The following FAM53B variants were observed in gnomAD, a reference collection of about 807,000 sequenced individuals.
The protein encoded by FAM53B is protein FAM53B.
In FAM53B, 12 loss-of-function variants were observed where a neutral mutation model predicts 32.7. The observed-to-expected ratio is 0.37, with a 90% CI of 0.24 to 0.59. The LOEUF is 0.59. Ranked by LOEUF, FAM53B falls within the 20% of genes least tolerant of loss-of-function variation. The pLI, the probability that FAM53B is intolerant of heterozygous loss-of-function variation, is 0.72. For missense variants in FAM53B, 477 were observed against 577.7 expected (o/e 0.83, Z 1.79); for synonymous variants, 234 against 228.7 (o/e 1.02, Z -0.21).
At chr10:124,664,041 C>T (rs1362320081) in intron 4 of FAM53B, among the ~76,000 whole-genome samples, 1 of 152,156 alleles carries the variant, frequency 6.6e-6, no homozygotes, top group African/African-American at 2.4e-5. Context: ...TGCCTCCATG[C>T]TTTCCAGGGA....
chr10:124,647,643 A>T (rs1949526571), intron 4 of FAM53B, among the ~76,000 whole-genome samples: 1 of 152,202 alleles, frequency 6.6e-6, no homozygotes, highest in Non-Finnish European at 1.5e-5. Flanking sequence ...ACAGCTAGGA[A>T]GCAGCAGAGG....
intron 4 of FAM53B, among the ~76,000 whole-genome samples, chr10:124,668,408 C>T (rs1949686997): frequency 6.6e-6 from 1 of 152,234 alleles, no homozygotes; most frequent in Non-Finnish European, 1.5e-5. Flanking sequence ...TTCTGTTGCC[C>T]AAGACTGTTC....
intron 4 of FAM53B, among the ~76,000 whole-genome samples, chr10:124,638,794 C>T (rs543520860): frequency 1.8e-4 from 27 of 152,206 alleles, no homozygotes; most frequent in African/African-American, 5.8e-4. Context: ...CATCCCAGCA[C>T]GTCCAGCAGG....
chr10:124,664,046 C>T (rs1949650503), intron 4 of FAM53B, among the ~76,000 whole-genome samples: 1 of 152,124 alleles, frequency 6.6e-6, no homozygotes, highest in African/African-American at 2.4e-5. Flanking sequence ...CCATGCTTTC[C>T]AGGGAGCTTG....
intron 4 of FAM53B, among the ~76,000 whole-genome samples, chr10:124,628,572 G>A (rs1027746341): frequency 6.6e-6 from 1 of 152,194 alleles, no homozygotes; most frequent in African/African-American, 2.4e-5. Flanking sequence ...CTGCTTCACA[G>A]GGCCACTGCA....
intron 1 of FAM53B, among the ~76,000 whole-genome samples, chr10:124,710,792 T>C (rs377096075): frequency 7.2e-5 from 11 of 152,024 alleles, no homozygotes; most frequent in African/African-American, 2.7e-4. Flanking sequence ...CAGATTGAAT[T>C]ATCCCCATTT....
chr10:124,687,687 G>A (rs1289097678), intron 3 of FAM53B, among the ~76,000 whole-genome samples: 2 of 152,138 alleles, frequency 1.3e-5, no homozygotes, highest in South Asian at 4.1e-4. Flanking sequence ...GCATCCTTTG[G>A]GGGTGTTTGT....
intron 1 of FAM53B, among the ~76,000 whole-genome samples, chr10:124,730,019 G>C (rs1950130747): frequency 6.6e-6 from 1 of 152,206 alleles, no homozygotes. Context: ...GTTGGCAGTG[G>C]ACAGCATTTT....
Position 124,620,360 on chromosome 10 carries a change from C to A in FAM53B, c.*2882G>T, listed in dbSNP as rs558870007. On this transcript the variant is annotated 3_prime_UTR_variant, in exon 5 of 5. Coordinates refer to ENST00000337318, the MANE Select transcript of FAM53B (RefSeq NM_014661.4). ...TGGGGTGCATGTGGCACTAAGCCCCCCCCACCGCCCCGGCTTTCCTGCAGG... is the reference window on the plus strand; with the variant it reads ...TGGGGTGCATGTGGCACTAAGCCCCACCCACCGCCCCGGCTTTCCTGCAGG... 1.4e-5 allele frequency: 2 copies of A among 143,940 alleles called. No homozygotes were observed. The highest frequency in any genetic ancestry group is 1.4e-4 in the Admixed American group (2 of 14,654). The allele number at this position is 143,940 out of a possible 1,614,324, so 8.9% of individuals were successfully genotyped here.
At position 124,706,739 on chromosome 10, in the gene FAM53B, C is replaced by T. The variant is rs1444756654; in HGVS notation, c.-26G>A. 1 of 1,613,946 alleles carries T rather than the reference C, an allele frequency of 6.2e-7. No individual in the cohort carries two copies. Among genetic ancestry groups the T allele is most frequent in the South Asian group, 1.1e-5 (1 of 91,080 alleles). Reference sequence around the variant, plus strand: ...GATAAGGGCCTCAGGCGCTGGGCTCCATCCCAGGGTGGGTATCAGCCATCT... The same window carrying T: ...GATAAGGGCCTCAGGCGCTGGGCTCTATCCCAGGGTGGGTATCAGCCATCT... On this transcript the variant is annotated 5_prime_UTR_variant, in exon 2 of 5. An upstream start codon of the reference 5' UTR is lost. Coordinates refer to ENST00000337318, the MANE Select transcript of FAM53B (RefSeq NM_014661.4).
chr10:124,695,318 G>A (rs1949861920), intron 3 of FAM53B, among the ~76,000 whole-genome samples: 1 of 152,154 alleles, frequency 6.6e-6, no homozygotes, highest in South Asian at 2.1e-4. Flanking sequence ...GTCAAACAAT[G>A]CCCAATCATC....
intron 1 of FAM53B, among the ~76,000 whole-genome samples, chr10:124,718,163 T>G (rs1047682447): frequency 6.6e-6 from 1 of 151,948 alleles, no homozygotes; most frequent in African/African-American, 2.4e-5. Flanking sequence ...TATATCACAC[T>G]GGGACATGAC....
At chr10:124,704,367 A>G (rs1564882814) in intron 2 of FAM53B, 1 of 152,386 alleles carries the variant, frequency 6.6e-6, no homozygotes, top group South Asian at 2.1e-4. Flanking sequence ...CAAAGCTCCC[A>G]TTCTAGTATA....
At chr10:124,624,149 T>C (rs747139899) in intron 4 of FAM53B, 1 of 153,316 alleles carries the variant, frequency 6.5e-6, no homozygotes, top group Non-Finnish European at 1.5e-5. Context: ...GCCGCGATAC[T>C]TCCCTTGAGA....
intron 4 of FAM53B, among the ~76,000 whole-genome samples, chr10:124,642,136 G>A (rs760621601): frequency 2.0e-5 from 3 of 152,238 alleles, no homozygotes; most frequent in Non-Finnish European, 4.4e-5. Flanking sequence ...CACAAGTGCA[G>A]TCAGTGGCTG....
chr10:124,625,844 A>G (rs958306657), intron 4 of FAM53B, among the ~76,000 whole-genome samples: 1 of 152,198 alleles, frequency 6.6e-6, no homozygotes, highest in Non-Finnish European at 1.5e-5. Flanking sequence ...GCCCCGACAG[A>G]GGAGGCCTAG....
At chr10:124,667,528 C>G (rs1949680619) in intron 4 of FAM53B, 1 of 702,134 alleles carries the variant, frequency 1.4e-6, no homozygotes, top group African/African-American at 1.8e-5. Flanking sequence ...CCTGTGTGGT[C>G]AGAGGCTGCC....
intron 4 of FAM53B, among the ~76,000 whole-genome samples, chr10:124,676,875 A>G (rs1420691396): frequency 1.3e-5 from 2 of 152,124 alleles, no homozygotes; most frequent in Non-Finnish European, 2.9e-5. Flanking sequence ...CGGTCCCTCA[A>G]ACATCTGCTA....
chr10:124,623,307 C>A lies in FAM53B; in HGVS notation c.1204G>T (p.Ala402Ser), dbSNP rs760767354. 1.6e-5 allele frequency: 25 copies of A among 1,612,130 alleles called. No individual in the cohort carries two copies. Among genetic ancestry groups the A allele is most frequent in the East Asian group, 6.7e-5 (3 of 44,882 alleles). Residue 402 changes from alanine (A) to serine (S), a missense_variant, in exon 5 of 5, where the codon GCC (alanine) becomes TCC (serine). Physicochemically the swap from Ala to Ser is moderately conservative, Grantham distance 99. Transcript: ENST00000337318. Reference protein sequence around the residue: ...EPAAAWRDRGAPGNSLCSLDG... With the variant: ...EPAAAWRDRGSPGNSLCSLDG... ...AGGGAGCAGAGGCTGTTCCCAGGGGCCCCGCGGTCCCGCCAGGCTGCAGCC... is the reference window on the plus strand; with the variant it reads ...AGGGAGCAGAGGCTGTTCCCAGGGGACCCGCGGTCCCGCCAGGCTGCAGCC...
Sources: allele counts gnomAD v4.1 joint callset (sites outside exome capture counted in the v4.1 genomes callset), GRCh38; gene constraint gnomAD v4.1.1; transcripts MANE v1.5; gene names NCBI Gene and HGNC (gene_info 2026-07-23, HGNC 2026-07-21).